The following CADPS2 variants were observed in gnomAD, a reference collection of about 807,000 sequenced individuals.
CADPS2 encodes calcium-dependent secretion activator 2.
In CADPS2, 93 loss-of-function variants were observed where a neutral mutation model predicts 172.5. The observed-to-expected ratio is 0.54, with a 90% CI of 0.46 to 0.64. The LOEUF (loss-of-function observed/expected upper bound fraction) is 0.64. CADPS2 is among the 30% of genes least tolerant of loss of function. CADPS2 has a pLI of 0.00. For missense variants in CADPS2, 1,420 were observed against 1,565.9 expected, an observed-to-expected ratio of 0.91 and a Z score of 1.57; for synonymous variants, 546 against 555.2, an observed-to-expected ratio of 0.98 and a Z score of 0.23.
intron 1 of CADPS2, among the ~76,000 whole-genome samples, chr7:122,860,755 C>G (rs908242132): frequency 2.6e-5 from 4 of 152,086 alleles, no homozygotes; most frequent in Admixed American, 6.6e-5. Flanking sequence ...TTTCCCAGCC[C>G]TTGGTAACCA....
Position 122,663,544 on chromosome 7 carries a change from G to C in CADPS2, c.479C>G (p.Ala160Gly), listed in dbSNP as rs200195320. 6.3e-4 allele frequency: 1,002 copies of C among 1,591,174 alleles called. No homozygotes were observed. Among genetic ancestry groups the C allele is most frequent in the Non-Finnish European group, 7.0e-4 (812 of 1,167,162 alleles). Reference sequence around the variant, plus strand: ...ACACCCTCCACTCTGTACCATTCTGGCCACTCGGTCACTCTTTAGAAAAAC... The same window carrying C: ...ACACCCTCCACTCTGTACCATTCTGCCCACTCGGTCACTCTTTAGAAAAAC... Reference protein sequence around the residue: ...YEVFLKSDRVARMVQSGGCSA... With the variant: ...YEVFLKSDRVGRMVQSGGCSA... The change falls in exon 3 of 30, where the codon GCC (alanine) becomes GGC (glycine). Residue 160 changes from alanine (A) to glycine (G), a missense_variant. Coordinates refer to ENST00000449022, the MANE Select transcript of CADPS2 (RefSeq NM_017954.11).
intron 7 of CADPS2, among the ~76,000 whole-genome samples, chr7:122,562,963 G>C (rs1045160277): frequency 3.3e-5 from 5 of 152,078 alleles, no homozygotes; most frequent in African/African-American, 1.2e-4. Flanking sequence ...TACTAACAAA[G>C]TTCAAGTTCC....
At chr7:122,830,023 A>AG (rs1172239142) in intron 1 of CADPS2, among the ~76,000 whole-genome samples, 1 of 150,704 alleles carries the variant, frequency 6.6e-6, no homozygotes, top group African/African-American at 2.4e-5. Context: ...TATCATATTA[A>AG]AAAAAAAAAC....
intron 20 of CADPS2, among the ~76,000 whole-genome samples, chr7:122,400,722 T>G (rs2045846100): frequency 6.6e-6 from 1 of 152,226 alleles, no homozygotes; most frequent in South Asian, 2.1e-4. Flanking sequence ...TTTGCTGCAA[T>G]CTAGATGTTA....
intron 1 of CADPS2, among the ~76,000 whole-genome samples, chr7:122,883,601 T>C (rs1022755520): frequency 6.6e-6 from 1 of 152,196 alleles, no homozygotes; most frequent in African/African-American, 2.4e-5. Flanking sequence ...CAAATTCACA[T>C]AAACATAGTT....
At chr7:122,439,034 T>C (rs1305187073) in intron 16 of CADPS2, among the ~76,000 whole-genome samples, 1 of 152,130 alleles carries the variant, frequency 6.6e-6, no homozygotes, top group African/African-American at 2.4e-5. Flanking sequence ...GAGACCTCTT[T>C]GCCTTAGTGA....
At chr7:122,736,319 G>A (rs2092146145) in intron 2 of CADPS2, among the ~76,000 whole-genome samples, 1 of 152,098 alleles carries the variant, frequency 6.6e-6, no homozygotes, top group Admixed American at 6.6e-5. Context: ...CCTGCACAAT[G>A]AAAGGAATCC....
Position 122,345,594 on chromosome 7 carries a change from A to G in CADPS2, c.3592T>C (p.Tyr1198His). Residue 1198 changes from tyrosine to histidine, a missense_variant, in exon 28 of 30, where the codon TAT becomes CAT. Coordinates refer to ENST00000449022, the MANE Select transcript of CADPS2 (RefSeq NM_017954.11). ...CTTACATCAAATAACTTTTCTATAT[A>G]CATTTCCTCATTGACCTTTTCTCGA... ...ILREKVNEEM[Y>H]IEKLFDQWYS... is the part of the protein sequence containing the mutation. 1.2e-6 allele frequency: 2 copies of G among 1,608,812 alleles called. No individual in the cohort carries two copies. Among genetic ancestry groups the G allele is most frequent in the Non-Finnish European group, 1.7e-6 (2 of 1,175,338 alleles).
At chr7:122,838,833 C>T (rs186171045) in intron 1 of CADPS2, among the ~76,000 whole-genome samples, 1 of 152,136 alleles carries the variant, frequency 6.6e-6, no homozygotes, top group African/African-American at 2.4e-5. Context: ...GAATCAATAT[C>T]GTGAAAACGG....
At chr7:122,395,332 A>T (rs1295052025) in intron 20 of CADPS2, 1 of 152,178 alleles carries the variant, frequency 6.6e-6, no homozygotes, top group Non-Finnish European at 1.5e-5. Context: ...ATGGGTTAGT[A>T]TTTTTTGTGG....
At chr7:122,801,757 C>CT (rs201820529) in intron 1 of CADPS2, among the ~76,000 whole-genome samples, 1,938 of 144,048 alleles carry the variant, frequency 0.013, 26 homozygotes, top group East Asian at 0.06. Flanking sequence ...CCAAGAGAAT[C>CT]TTTTTTTTTA....
rs1026270567 is a variant in CADPS2 at position 122,493,850 on chromosome 7, T to C, written c.1543-2430A>G. The stretch of plus-strand genomic sequence containing the variant: ...TCGATAAACATTTGAAGTTTTCTTT[T>C]CTGTGAGTTTCCTAATCAAATAGTT... On this transcript the variant is annotated intron_variant, in intron 9 of 29. Transcript: ENST00000449022. Among the ~76,000 whole-genome samples, 10 of 152,122 alleles carry C rather than the reference T, an allele frequency of 6.6e-5. No individual in the cohort carries two copies. In the East Asian group the frequency reaches 1.7e-3, roughly 26 times the overall value.
At chr7:122,526,283 C>G (rs1256567992) in intron 8 of CADPS2, among the ~76,000 whole-genome samples, 3 of 152,054 alleles carry the variant, frequency 2.0e-5, no homozygotes, top group Non-Finnish European at 4.4e-5. Flanking sequence ...CCTCCACCTC[C>G]CGGGTTCAAG....
At chr7:122,598,691 A>G (rs914260784) in intron 6 of CADPS2, among the ~76,000 whole-genome samples, 1 of 152,106 alleles carries the variant, frequency 6.6e-6, no homozygotes, top group Non-Finnish European at 1.5e-5. Context: ...AATTTTGGTA[A>G]AACAGTGTCC....
chr7:122,835,593 C>G (rs1274332597), intron 1 of CADPS2, among the ~76,000 whole-genome samples: 1 of 152,106 alleles, frequency 6.6e-6, no homozygotes, highest in Middle Eastern at 3.2e-3. Context: ...CCTTAAATGA[C>G]CTGATGGAAC....
intron 9 of CADPS2, among the ~76,000 whole-genome samples, chr7:122,507,936 TAA>T (rs2059729288): frequency 1.3e-5 from 2 of 152,262 alleles, no homozygotes; most frequent in South Asian, 4.2e-4. Flanking sequence ...TGTTCAAATA[TAA>T]GTCAATTTTA....
chr7:122,377,719 T>C (rs1216140751), intron 25 of CADPS2, among the ~76,000 whole-genome samples: 3 of 152,112 alleles, frequency 2.0e-5, no homozygotes, highest in African/African-American at 7.2e-5. Flanking sequence ...CTCCAGTAGT[T>C]CACCCCTTCC....
At chr7:122,795,966 G>A (rs1273023382) in intron 1 of CADPS2, among the ~76,000 whole-genome samples, 2 of 152,158 alleles carry the variant, frequency 1.3e-5, no homozygotes, top group East Asian at 3.9e-4. Context: ...AAACCCCATA[G>A]CATCAGCCCA....
intron 7 of CADPS2, among the ~76,000 whole-genome samples, chr7:122,555,339 C>T (rs936259030): frequency 6.6e-6 from 1 of 152,022 alleles, no homozygotes; most frequent in African/African-American, 2.4e-5. Flanking sequence ...CAGAATCAAC[C>T]CAGGAAAGAC....
Sources: allele counts gnomAD v4.1 joint callset (sites outside exome capture counted in the v4.1 genomes callset), GRCh38; gene constraint gnomAD v4.1.1; transcripts MANE v1.5; gene names NCBI Gene and HGNC (gene_info 2026-07-23, HGNC 2026-07-21).